Variants in FRMD4A observed in about 807,000 individuals in gnomAD.
FRMD4A encodes the protein FERM domain-containing protein 4A.
FRMD4A carries 29 observed loss-of-function variants against 129.1 expected under a neutral mutation model. The observed-to-expected ratio is 0.22, with a 90% CI of 0.17 to 0.31. The LOEUF (loss-of-function observed/expected upper bound fraction) is 0.31, where lower values mean the gene tolerates loss of function less well. Among genes scored for constraint, FRMD4A ranks in the 10% least tolerant of loss-of-function variants. The pLI is 1.00. For synonymous variants in FRMD4A, 634 were observed against 571.6 expected (o/e 1.11, Z -1.56); for missense variants, 1,272 against 1,375.8 (o/e 0.92, Z 1.19).
intron 2 of FRMD4A, among the ~76,000 whole-genome samples, chr10:14,135,902 C>A (rs1171814882): frequency 6.6e-6 from 1 of 152,112 alleles, no homozygotes; most frequent in Non-Finnish European, 1.5e-5. Flanking sequence ...ACTGTATATT[C>A]TAACAATCGC....
intron 2 of FRMD4A, among the ~76,000 whole-genome samples, chr10:14,042,826 C>T (rs1221649501): frequency 7.1e-6 from 1 of 140,094 alleles, no homozygotes; most frequent in Admixed American, 7.8e-5. Flanking sequence ...ATTAGGTGGG[C>T]GTGGTAGTGC....
intron 2 of FRMD4A, among the ~76,000 whole-genome samples, chr10:14,111,503 C>T (rs756942203): frequency 1.4e-4 from 21 of 152,118 alleles, no homozygotes; most frequent in Non-Finnish European, 2.4e-4. Flanking sequence ...AGTCCTCTAC[C>T]CTGCAGGGAT....
intron 4 of FRMD4A, among the ~76,000 whole-genome samples, chr10:13,809,591 C>T (rs1054253713): frequency 1.3e-5 from 2 of 152,168 alleles, no homozygotes; most frequent in Admixed American, 1.3e-4. Context: ...CTTGGCCCTG[C>T]CTGCAATTCC....
intron 2 of FRMD4A, among the ~76,000 whole-genome samples, chr10:14,002,635 C>T (rs1431986424): frequency 1.3e-5 from 2 of 152,160 alleles, no homozygotes; most frequent in Non-Finnish European, 2.9e-5. Context: ...CTCAAGATGC[C>T]TGCCATCGTA....
chr10:13,820,453 C>T (rs764389025), intron 3 of FRMD4A, among the ~76,000 whole-genome samples: 23 of 151,946 alleles, frequency 1.5e-4, no homozygotes, highest in Non-Finnish European at 2.6e-4. Flanking sequence ...TGAAGCAGGC[C>T]CCTTAAGCTT....
intron 13 of FRMD4A, 117 bp downstream of exon 13, chr10:13,706,920 C>T (rs180947421): frequency 1.6e-4 from 103 of 633,622 alleles, no homozygotes; most frequent in Middle Eastern, 1.2e-3. Context: ...CCAGGAGCCC[C>T]CACCCTCGCT....
chr10:14,048,887 GAATAGAATAGAATAGAAAAT>G lies in FRMD4A; in HGVS notation c.46-189995_46-189976del, dbSNP rs1218154007. 2.4e-3 allele frequency among the ~76,000 whole-genome samples: 232 copies of G among 97,504 alleles called. 1 individual carries two copies. Among genetic ancestry groups the G allele is most frequent in the East Asian group, 0.016 (65 of 4,070 alleles). 64.0% of individuals were successfully genotyped at this position (97,504 alleles called of 152,430 possible). ...GAATAGAATAGAATAGAATAGAATA[GAATAGAATAGAATAGAAAAT>G]AAAATGAAATATGGTGGGAGTAGGA... On this transcript the variant is annotated intron_variant, in intron 2 of 24. Coordinates refer to ENST00000357447, the MANE Select transcript of FRMD4A (RefSeq NM_018027.5).
intron 2 of FRMD4A, among the ~76,000 whole-genome samples, chr10:14,270,098 A>C (rs1845112863): frequency 1.3e-5 from 2 of 152,206 alleles, no homozygotes; most frequent in South Asian, 4.1e-4. Context: ...GTGGCCCCCC[A>C]GGCTTTTGGG....
rs2082220590 is a variant in FRMD4A at position 13,657,059 on chromosome 10, C to T, written c.2530G>A (p.Gly844Ser). 2.5e-6 allele frequency: 4 copies of T among 1,573,244 alleles called. No homozygotes were observed. The highest frequency in any genetic ancestry group is 3.4e-6 in the Non-Finnish European group (4 of 1,166,316). Reference protein sequence around the residue: ...IKEYPLYIEGGATPVVVRSLE... With the variant: ...IKEYPLYIEGSATPVVVRSLE... ...CTGCGCACCACCACGGGCGTGGCGC[C>T]GCCCTCGATGTACAGCGGGTACTCC... The change falls in exon 22 of 25, where the codon GGC becomes AGC. Residue 844 changes from glycine (G) to serine (S), a missense_variant. By Grantham distance (56) the Gly-to-Ser change is moderately conservative. This residue lies in a region of FRMD4A where 972 missense variants were observed against 892.3 expected (regional missense o/e 1.09). Coordinates refer to ENST00000357447, the MANE Select transcript of FRMD4A (RefSeq NM_018027.5).
intron 3 of FRMD4A, among the ~76,000 whole-genome samples, chr10:13,825,779 A>G (rs1288011342): frequency 1.3e-5 from 2 of 152,226 alleles, no homozygotes; most frequent in Non-Finnish European, 2.9e-5. Context: ...TATTTCTGGA[A>G]TCTTGTATTG....
chr10:13,868,730 C>T (rs960345226), intron 2 of FRMD4A, among the ~76,000 whole-genome samples: 14 of 152,084 alleles, frequency 9.2e-5, no homozygotes, highest in Admixed American at 2.6e-4. Context: ...GCCCAAGAGG[C>T]AGAAGTTGCA....
At chr10:13,718,824 C>G (rs574370048) in intron 12 of FRMD4A, among the ~76,000 whole-genome samples, 1 of 152,332 alleles carries the variant, frequency 6.6e-6, no homozygotes, top group South Asian at 2.1e-4. Context: ...ATACACATAC[C>G]TCTGCCAAAG....
At chr10:14,035,425 T>C (rs368606442) in intron 2 of FRMD4A, among the ~76,000 whole-genome samples, 655 of 60,650 alleles carry the variant, frequency 0.011, 8 homozygotes, top group African/African-American at 0.03. Context: ...AACAAACAAA[T>C]AAACAAAAAA....
intron 2 of FRMD4A, among the ~76,000 whole-genome samples, chr10:13,920,778 T>C (rs1005808251): frequency 6.6e-6 from 1 of 152,228 alleles, no homozygotes; most frequent in African/African-American, 2.4e-5. Context: ...CATGTTTGTT[T>C]GGGCTTGAAA....
intron 8 of FRMD4A, among the ~76,000 whole-genome samples, chr10:13,752,848 T>G (rs1365763610): frequency 1.3e-5 from 2 of 152,216 alleles, no homozygotes; most frequent in Non-Finnish European, 2.9e-5. Flanking sequence ...AAACTTCATC[T>G]TTTTGCATGA....
chr10:13,669,057 G>GTTTTTTT (rs56706198), intron 17 of FRMD4A, among the ~76,000 whole-genome samples: 3 of 97,460 alleles, frequency 3.1e-5, no homozygotes, highest in Admixed American at 1.2e-4. Context: ...CTGAGCTTTA[G>GTTTTTTT]TTTTTTTTTT....
intron 2 of FRMD4A, among the ~76,000 whole-genome samples, chr10:14,217,519 C>A (rs148471453): frequency 6.6e-6 from 1 of 152,200 alleles, no homozygotes; most frequent in Non-Finnish European, 1.5e-5. Context: ...GATTGTCAGG[C>A]CTCCCCAGCG....
chr10:14,276,156 C>A (rs943186255), intron 2 of FRMD4A, among the ~76,000 whole-genome samples: 1 of 152,148 alleles, frequency 6.6e-6, no homozygotes, highest in African/African-American at 2.4e-5. Context: ...TTTTTCCCAC[C>A]GGAAGACAGT....
chr10:13,864,078 C>T (rs1387368645), intron 2 of FRMD4A, among the ~76,000 whole-genome samples: 9 of 151,910 alleles, frequency 5.9e-5, no homozygotes, highest in Admixed American at 5.9e-4. Flanking sequence ...TCACTGCAAC[C>T]TCCACCTCCC....
Sources: allele counts gnomAD v4.1 joint callset (sites outside exome capture counted in the v4.1 genomes callset), GRCh38; gene constraint gnomAD v4.1.1; regional missense constraint gnomAD v4.1.1; transcripts MANE v1.5; gene names NCBI Gene and HGNC (gene_info 2026-07-23, HGNC 2026-07-21).